The following RBMS3 variants were observed in gnomAD, a reference collection of about 807,000 sequenced individuals.
The protein encoded by RBMS3 is RNA binding motif single stranded interacting protein 3, also known as RNA-binding motif, single-stranded-interacting protein 3.
Under a neutral mutation model 66.8 loss-of-function variants are expected in RBMS3, and 27 were observed. The observed-to-expected ratio is 0.40, with a 90% CI of 0.30 to 0.56. The LOEUF (loss-of-function observed/expected upper bound fraction) is 0.56. Among genes scored for constraint, RBMS3 ranks in the 20% least tolerant of loss-of-function variants. The pLI, the probability that RBMS3 is intolerant of heterozygous loss-of-function variation, is 0.40. For missense variants in RBMS3, 513 were observed against 549.5 expected, an observed-to-expected ratio of 0.93 and a Z score of 0.66; for synonymous variants, 188 against 183.0, an observed-to-expected ratio of 1.03 and a Z score of -0.22.
intron 4 of RBMS3, among the ~76,000 whole-genome samples, chr3:29,627,257 GTCTC>G (rs10632731): frequency 2.8e-4 from 42 of 149,526 alleles, no homozygotes; most frequent in Non-Finnish European, 4.9e-4. Context: ...GAGTATCTCT[GTCTC>G]TCTCTCTCTC....
At position 29,823,028 on chromosome 3, in the gene RBMS3, G is replaced by C. The variant is rs148286009; in HGVS notation, c.638-45830G>C. Among the ~76,000 whole-genome samples, 1,052 of 152,118 alleles carry C rather than the reference G, an allele frequency of 6.9e-3. 9 individuals are homozygous for C. The highest frequency in any genetic ancestry group is 0.024 in the African/African-American group (1,002 of 41,514). On this transcript the variant is annotated intron_variant, in intron 6 of 14. Transcript: ENST00000383767. ...AATACCTCACTTTTTCTAGCATTGA[G>C]GAGATAATGAATATTTACATTTTTA... is the stretch of plus-strand genomic sequence containing the variant.
chr3:29,524,609 TTATTTA>T, intron 3 of RBMS3, among the ~76,000 whole-genome samples: 1 of 132,102 alleles, frequency 7.6e-6, no homozygotes, highest in South Asian at 2.4e-4. Context: ...TGCATTTTAT[TTATTTA>T]TTTTTTTTAG....
At chr3:29,984,574 TG>T (rs1698236194) in intron 12 of RBMS3, among the ~76,000 whole-genome samples, 1 of 152,168 alleles carries the variant, frequency 6.6e-6, no homozygotes, top group Non-Finnish European at 1.5e-5. Flanking sequence ...TCTTTGATGC[TG>T]GTGACCTTCA....
intron 4 of RBMS3, among the ~76,000 whole-genome samples, chr3:29,650,256 A>G (rs565832209): frequency 2.0e-4 from 31 of 151,504 alleles, no homozygotes; most frequent in Non-Finnish European, 4.6e-4. Flanking sequence ...TTAAACCCAA[A>G]TAAGTCAATT....
intron 5 of RBMS3, among the ~76,000 whole-genome samples, chr3:29,742,981 T>G (rs17616036): frequency 0.023 from 3,450 of 152,270 alleles, 54 homozygotes; most frequent in Non-Finnish European, 0.032. Context: ...AAAAATGAAG[T>G]GTGAGTCTGA....
rs752401276 is a variant in RBMS3, at chr3:30,004,050, A to G, written c.*188A>G. The G allele has an allele frequency of 1.8e-5, 7 of 393,126 alleles. No homozygotes were observed. The highest frequency in any genetic ancestry group is 2.2e-5 in the Non-Finnish European group (5 of 224,930). The allele number at this position is 393,126 out of a possible 1,614,324, so 24.4% of individuals were successfully genotyped here. On this transcript the variant is annotated 3_prime_UTR_variant, in exon 15 of 15. Coordinates refer to ENST00000383767, the MANE Select transcript of RBMS3 (RefSeq NM_001003793.3). Reference sequence around the variant, plus strand: ...TTTATGTGCTGTGCAAATGGTCTTCATGTGGTCTGACAATTTATTTTTGCC... The same window carrying G: ...TTTATGTGCTGTGCAAATGGTCTTCGTGTGGTCTGACAATTTATTTTTGCC...
intron 1 of RBMS3, among the ~76,000 whole-genome samples, chr3:29,369,416 A>G (rs12715154): frequency 0.18 from 27,243 of 150,764 alleles, 2,462 homozygotes; most frequent in Middle Eastern, 0.24. Context: ...TTTTGCACCA[A>G]CCTAATAGTC....
chr3:29,470,271 A>G (rs2042679761), intron 2 of RBMS3, among the ~76,000 whole-genome samples: 1 of 151,990 alleles, frequency 6.6e-6, no homozygotes, highest in Non-Finnish European at 1.5e-5. Context: ...AATACTTTAA[A>G]ATACCCAGCA....
intron 1 of RBMS3, among the ~76,000 whole-genome samples, chr3:29,416,031 C>CG (rs959564967): frequency 1.3e-5 from 2 of 152,114 alleles, no homozygotes; most frequent in Non-Finnish European, 2.9e-5. Flanking sequence ...AAAGCATGGC[C>CG]TCTGACTCAT....
intron 1 of RBMS3, among the ~76,000 whole-genome samples, chr3:29,433,479 G>A (rs1053400168): frequency 6.6e-6 from 1 of 152,102 alleles, no homozygotes; most frequent in African/African-American, 2.4e-5. Context: ...TCATATTATT[G>A]TTATTTTTGC....
At chr3:29,449,234 C>A (rs2125756062) in intron 2 of RBMS3, among the ~76,000 whole-genome samples, 1 of 152,232 alleles carries the variant, frequency 6.6e-6, no homozygotes, top group South Asian at 2.1e-4. Context: ...TGTGTAGTAC[C>A]TTGCGTAGCA....
At chr3:29,666,540 C>T (rs979813737) in intron 4 of RBMS3, among the ~76,000 whole-genome samples, 1 of 152,080 alleles carries the variant, frequency 6.6e-6, no homozygotes, top group Admixed American at 6.6e-5. Flanking sequence ...TCTTATATGG[C>T]TAACATGTGG....
chr3:29,706,112 CT>C (rs1273414939), intron 4 of RBMS3, among the ~76,000 whole-genome samples: 1 of 152,152 alleles, frequency 6.6e-6, no homozygotes, highest in Non-Finnish European at 1.5e-5. Context: ...TAATTGGTCC[CT>C]GGTAGAAAGG....
At chr3:29,475,433 A>C (rs980706152) in intron 2 of RBMS3, among the ~76,000 whole-genome samples, 1 of 151,930 alleles carries the variant, frequency 6.6e-6, no homozygotes, top group Non-Finnish European at 1.5e-5. Flanking sequence ...TAGTTTTCGT[A>C]GGGATGGGGT....
chr3:29,615,464 C>T (rs1559510728), intron 4 of RBMS3, among the ~76,000 whole-genome samples: 1 of 145,996 alleles, frequency 6.8e-6, no homozygotes, highest in Non-Finnish European at 1.5e-5. Flanking sequence ...ACTTGGACTA[C>T]AGTTAGCACA....
chr3:29,806,708 T>A lies in RBMS3; in HGVS notation c.637+43719T>A, dbSNP rs372872823. ...TTATATCATGGCTCATTTATAATTA[T>A]TACAAGGTGATGGCAGGTTTCTGGA... is the stretch of plus-strand genomic sequence containing the variant. On this transcript the variant is annotated intron_variant, in intron 6 of 14. Coordinates refer to ENST00000383767, the MANE Select transcript of RBMS3 (RefSeq NM_001003793.3). Among the ~76,000 whole-genome samples, 147 of 152,090 alleles carry A rather than the reference T, an allele frequency of 9.7e-4. 1 individual carries two copies. The South Asian group carries it at 0.029, about 30-fold the overall frequency.
At chr3:29,878,249 C>A (rs905989150) in intron 7 of RBMS3, among the ~76,000 whole-genome samples, 1 of 152,218 alleles carries the variant, frequency 6.6e-6, no homozygotes, top group East Asian at 1.9e-4. Flanking sequence ...CGGTTCCTAA[C>A]AGGCCATGGA....
intron 8 of RBMS3, among the ~76,000 whole-genome samples, chr3:29,886,329 C>A (rs892376940): frequency 6.6e-6 from 1 of 151,760 alleles, no homozygotes; most frequent in Admixed American, 6.6e-5. Flanking sequence ...GTGTTAATAT[C>A]CCATTTACAG....
intron 3 of RBMS3, among the ~76,000 whole-genome samples, chr3:29,527,197 A>T (rs1271040486): frequency 6.6e-6 from 1 of 150,402 alleles, no homozygotes; most frequent in Non-Finnish European, 1.5e-5. Context: ...AAAAAAAAAA[A>T]AAAAAAAAAA....
Sources: allele counts gnomAD v4.1 joint callset (sites outside exome capture counted in the v4.1 genomes callset), GRCh38; gene constraint gnomAD v4.1.1; transcripts MANE v1.5; gene names NCBI Gene and HGNC (gene_info 2026-07-23, HGNC 2026-07-21).